Variants in PTPRD observed in about 807,000 individuals in gnomAD.
PTPRD encodes protein tyrosine phosphatase receptor type D.
A neutral mutation model predicts 214.5 loss-of-function variants in PTPRD; 34 were observed. The observed-to-expected ratio is 0.16, with a 90% CI of 0.12 to 0.21. The LOEUF (loss-of-function observed/expected upper bound fraction) is 0.21. Among genes scored for constraint, PTPRD ranks in the 10% least tolerant of loss-of-function variants. The probability of loss-of-function intolerance (pLI) is 1.00; values close to 1 mark genes in which losing one functional copy is unlikely to be tolerated. For synonymous variants in PTPRD, 1,128 were observed against 845.7 expected, an observed-to-expected ratio of 1.33 and a Z score of -5.79; for missense variants, 2,545 against 2,398.7, an observed-to-expected ratio of 1.06 and a Z score of -1.27.
intron 2 of PTPRD, among the ~76,000 whole-genome samples, chr9:10,512,439 C>T (rs140314197): frequency 5.9e-5 from 9 of 151,976 alleles, no homozygotes; most frequent in South Asian, 4.2e-4. Context: ...TGGAAAGGGC[C>T]GGAGGAAAGG....
chr9:9,295,413 T>C (rs1183734801), intron 9 of PTPRD, among the ~76,000 whole-genome samples: 1 of 151,726 alleles, frequency 6.6e-6, no homozygotes, highest in Non-Finnish European at 1.5e-5. Flanking sequence ...CACAAAAATA[T>C]ACTCTATCAT....
chr9:10,329,863 G>T, intron 3 of PTPRD, among the ~76,000 whole-genome samples: 1 of 151,618 alleles, frequency 6.6e-6, no homozygotes, highest in Non-Finnish European at 1.5e-5. Context: ...ATTTTGATGC[G>T]CATGGCATAG....
intron 2 of PTPRD, among the ~76,000 whole-genome samples, chr9:10,458,557 A>C (rs554249229): frequency 1.3e-5 from 2 of 152,176 alleles, no homozygotes; most frequent in Non-Finnish European, 2.9e-5. Context: ...GTAGTAAAGG[A>C]CATTTGTTTA....
At position 8,465,562 on chromosome 9, in the gene PTPRD, C is replaced by A; in HGVS notation, c.3618G>T (p.Gly1206=). The A allele has an allele frequency of 6.2e-7, 1 of 1,612,502 alleles. No individual in the cohort carries two copies. Among genetic ancestry groups the A allele is most frequent in the Non-Finnish European group, 8.5e-7 (1 of 1,179,038 alleles). ...TAAATCCACCATAATGCTTGTCATC[C>A]CCCAGGGTGAACTCAGTGGGAAGGA... ...FDVLPTEFTL[G]DDKHYGGFTN... The change falls in exon 32 of 46, where the codon GGG becomes GGT. Residue 1206 remains glycine (G), a synonymous_variant. Transcript: ENST00000381196.
At chr9:10,010,601 C>G (rs61278834) in intron 4 of PTPRD, among the ~76,000 whole-genome samples, 2 of 151,724 alleles carry the variant, frequency 1.3e-5, no homozygotes, top group Non-Finnish European at 2.9e-5. Flanking sequence ...AAGTTGTATA[C>G]TCAACTCAGT....
chr9:8,935,441 G>T (rs954616352), intron 11 of PTPRD, among the ~76,000 whole-genome samples: 1 of 136,704 alleles, frequency 7.3e-6, no homozygotes, highest in African/African-American at 2.7e-5. Context: ...ACACTGTGGT[G>T]CCTACCTTTA....
chr9:9,075,942 G>A (rs1017149665), intron 10 of PTPRD, among the ~76,000 whole-genome samples: 1 of 152,074 alleles, frequency 6.6e-6, no homozygotes, highest in Non-Finnish European at 1.5e-5. Context: ...GGGATGGCTG[G>A]GTCAAATGGT....
intron 10 of PTPRD, among the ~76,000 whole-genome samples, chr9:9,099,849 A>G (rs1399803150): frequency 6.6e-6 from 1 of 152,082 alleles, no homozygotes; most frequent in African/African-American, 2.4e-5. Context: ...TGCTTTTGCA[A>G]TGTGAATTAA....
intron 2 of PTPRD, among the ~76,000 whole-genome samples, chr9:10,583,884 C>A (rs1591458988): frequency 6.6e-6 from 1 of 152,146 alleles, no homozygotes; most frequent in Non-Finnish European, 1.5e-5. Context: ...AATGTCAAAG[C>A]ACTGAGTTAA....
intron 12 of PTPRD, among the ~76,000 whole-genome samples, chr9:8,677,186 T>C (rs1362648039): frequency 6.6e-6 from 1 of 152,016 alleles, no homozygotes; most frequent in African/African-American, 2.4e-5. Context: ...ATCTCAACAA[T>C]CAAAACATGG....
At chr9:9,369,616 T>G (rs530224193) in intron 9 of PTPRD, among the ~76,000 whole-genome samples, 33 of 152,266 alleles carry the variant, frequency 2.2e-4, no homozygotes, top group African/African-American at 6.3e-4. Context: ...TTAGTTTAAT[T>G]AGATCCCATT....
At chr9:8,426,351 C>T (rs183460006) in intron 35 of PTPRD, among the ~76,000 whole-genome samples, 1 of 152,254 alleles carries the variant, frequency 6.6e-6, no homozygotes, top group Admixed American at 6.5e-5. Flanking sequence ...ACTTCAAGGC[C>T]CTCCCCAGCA....
At chr9:8,992,411 G>A (rs1275235603) in intron 11 of PTPRD, among the ~76,000 whole-genome samples, 2 of 152,134 alleles carry the variant, frequency 1.3e-5, no homozygotes, top group Non-Finnish European at 2.9e-5. Context: ...AGGAATGGGG[G>A]TTAGCTAACG....
At chr9:8,829,430 C>T (rs1417257705) in intron 11 of PTPRD, among the ~76,000 whole-genome samples, 2 of 152,146 alleles carry the variant, frequency 1.3e-5, no homozygotes, top group South Asian at 2.1e-4. Context: ...ATACTGTTCT[C>T]GAGATTTATC....
chr9:10,311,170 A>C (rs1040136027), intron 3 of PTPRD, among the ~76,000 whole-genome samples: 1 of 151,976 alleles, frequency 6.6e-6, no homozygotes, highest in African/African-American at 2.4e-5. Flanking sequence ...GTACTAGGGA[A>C]AAAACCTAGG....
chr9:9,798,783 A>G (rs2099020329), intron 5 of PTPRD, among the ~76,000 whole-genome samples: 1 of 152,232 alleles, frequency 6.6e-6, no homozygotes, highest in Non-Finnish European at 1.5e-5. Flanking sequence ...TGAAGCAGAC[A>G]CAGCAAATTG....
chr9:8,405,805 G>A (rs1377709542), intron 35 of PTPRD, among the ~76,000 whole-genome samples: 2 of 151,918 alleles, frequency 1.3e-5, no homozygotes, highest in Non-Finnish European at 2.9e-5. Flanking sequence ...TTGATGCCGG[G>A]TATTTTTCAT....
chr9:9,933,777 T>C (rs1193508860), intron 5 of PTPRD, among the ~76,000 whole-genome samples: 23 of 149,152 alleles, frequency 1.5e-4, no homozygotes, highest in Non-Finnish European at 3.2e-4. Context: ...GAATATACAT[T>C]TTTTTCAGCA....
chr9:8,700,578 A>G (rs1419910233), intron 12 of PTPRD: 1 of 152,212 alleles, frequency 6.6e-6, no homozygotes, highest in African/African-American at 2.4e-5. Context: ...GTCACAGTCA[A>G]TGTTTTCATT....
Sources: gnomAD v4.1 joint callset for allele counts (sites outside exome capture counted in the v4.1 genomes callset) on GRCh38, gnomAD v4.1.1 for gene constraint, MANE v1.5 for transcripts, NCBI Gene and HGNC (gene_info 2026-07-23, HGNC 2026-07-21) for gene names.